NDST1: variants seen among roughly 807,000 people sequenced by gnomAD.
NDST1 encodes bifunctional heparan sulfate N-deacetylase/N-sulfotransferase 1.
NDST1 carries 35 observed loss-of-function variants against 92.8 expected under a neutral mutation model. The observed-to-expected ratio is 0.38, with a 90% CI of 0.29 to 0.50. The LOEUF is 0.50. Ranked by LOEUF, NDST1 falls within the 20% of genes least tolerant of loss-of-function variation. The pLI is 0.94. For missense variants in NDST1, 822 were observed against 1,182.7 expected (o/e 0.69, Z 4.47); for synonymous variants, 493 against 500.3 (o/e 0.99, Z 0.19).
At position 150,556,853 on chromosome 5, in the gene NDST1, A is replaced by G. The variant is rs1419659648; in HGVS notation, c.*3521A>G. 1 of 152,676 alleles carries G rather than the reference A, an allele frequency of 6.5e-6. No homozygotes were observed. Among genetic ancestry groups the G allele is most frequent in the Non-Finnish European group, 1.5e-5 (1 of 68,052 alleles). 9.5% of individuals were successfully genotyped at this position (152,676 alleles called of 1,614,324 possible). On this transcript the variant is annotated 3_prime_UTR_variant, in exon 15 of 15. Transcript: ENST00000261797. ...GAATCAGCATCCAGTCACGGTGCAC[A>G]CATTGCATTTTCTAACTATGTTTTT...
Position 150,545,406 on chromosome 5 carries a change from C to G in NDST1, c.2065C>G (p.Arg689Gly). The change falls in exon 11 of 15, where the codon CGG (arginine) becomes GGG (glycine). Residue 689 changes from arginine to glycine, a missense_variant. Coordinates refer to ENST00000261797, the MANE Select transcript of NDST1 (RefSeq NM_001543.5). ...NYFDSEVAPR[R>G]AAALLPKAKV... Reference sequence around the variant, plus strand: ...CTTTGATTCAGAAGTGGCGCCCCGGCGGGCAGCAGCCCTCTTGCCCAAAGC... The same window carrying G: ...CTTTGATTCAGAAGTGGCGCCCCGGGGGGCAGCAGCCCTCTTGCCCAAAGC... 6.2e-7 allele frequency: 1 copy of G among 1,614,244 alleles called. No individual in the cohort carries two copies. The highest frequency in any genetic ancestry group is 8.5e-7 in the Non-Finnish European group (1 of 1,180,044).
At chr5:150,515,954 G>A (rs986692075) in intron 1 of NDST1, among the ~76,000 whole-genome samples, 4 of 151,962 alleles carry the variant, frequency 2.6e-5, no homozygotes, top group Non-Finnish European at 5.9e-5. Context: ...AAAGCAACTG[G>A]CTTCCCCCCA....
chr5:150,526,217 A>G (rs1754469986), intron 2 of NDST1, among the ~76,000 whole-genome samples: 1 of 152,230 alleles, frequency 6.6e-6, no homozygotes, highest in Non-Finnish European at 1.5e-5. Context: ...GTGCCCAGTA[A>G]TCTACTGTTC....
At chr5:150,501,869 AG>A (rs1293562227) in intron 1 of NDST1, among the ~76,000 whole-genome samples, 1 of 152,186 alleles carries the variant, frequency 6.6e-6, no homozygotes, top group African/African-American at 2.4e-5. Flanking sequence ...CAGCCATGTC[AG>A]GTGGTCAGGA....
intron 11 of NDST1, 127 bp downstream of exon 11, chr5:150,545,613 T>G: frequency 3.4e-6 from 4 of 1,181,710 alleles, no homozygotes; most frequent in Non-Finnish European, 4.8e-6. Flanking sequence ...GCCAGGCGCC[T>G]GGAGCGTGGT....
Position 150,534,896 on chromosome 5 carries a change from C to A in NDST1, c.1126C>A (p.Leu376Met). The A allele has an allele frequency of 6.2e-7, 1 of 1,614,286 alleles. No individual in the cohort carries two copies. The change falls in exon 5 of 15, where the codon CTG (leucine) becomes ATG (methionine). Residue 376 changes from leucine (L) to methionine (M), a missense_variant. Physicochemically the swap from Leu to Met is conservative, Grantham distance 15. Coordinates refer to ENST00000261797, the MANE Select transcript of NDST1 (RefSeq NM_001543.5). ...GTNAEDAGDDLLLSYVKEFWW... is the reference protein window; with the variant it reads ...GTNAEDAGDDMLLSYVKEFWW... ...CAATGCTGAGGACGCTGGGGATGAT[C>A]TGCTGCTGTCGTATGTGAAGGAGTT... is the stretch of plus-strand genomic sequence containing the variant.
intron 1 of NDST1, among the ~76,000 whole-genome samples, chr5:150,499,552 C>T (rs1055057078): frequency 1.3e-5 from 2 of 152,212 alleles, no homozygotes; most frequent in African/African-American, 2.4e-5. Flanking sequence ...CATGCTTAGG[C>T]TCAGGACGGT....
chr5:150,512,097 C>T (rs183525141), intron 1 of NDST1, among the ~76,000 whole-genome samples: 6 of 152,264 alleles, frequency 3.9e-5, no homozygotes, highest in African/African-American at 1.4e-4. Context: ...TGCCCAAGTC[C>T]AGGTACCCAC....
chr5:150,544,312 G>C (rs927019139), intron 10 of NDST1, among the ~76,000 whole-genome samples: 1 of 152,216 alleles, frequency 6.6e-6, no homozygotes, highest in African/African-American at 2.4e-5. Context: ...GTCAGGTTTT[G>C]TTGCCAAATG....
At chr5:150,527,663 G>A (rs142797821) in intron 2 of NDST1, 141 bp from the exon 3 acceptor site, 1 of 1,185,754 alleles carries the variant, frequency 8.4e-7, no homozygotes, top group Non-Finnish European at 1.2e-6. Context: ...GCAGGGTGGA[G>A]CGCAGGGCCA....
At chr5:150,544,351 C>T (rs1755387010) in intron 10 of NDST1, among the ~76,000 whole-genome samples, 1 of 151,808 alleles carries the variant, frequency 6.6e-6, no homozygotes, top group Non-Finnish European at 1.5e-5. Context: ...GAAACAAAGC[C>T]TGTGTTTTCA....
At chr5:150,548,411 G>T (rs371486727) in intron 12 of NDST1, 23 bp downstream of exon 12, 6 of 1,605,718 alleles carry the variant, frequency 3.7e-6, no homozygotes, top group Non-Finnish European at 4.2e-6. Context: ...CCTGACCCTT[G>T]TGAGGGCAGT....
chr5:150,516,854 T>C (rs1240452613), intron 1 of NDST1, among the ~76,000 whole-genome samples: 1 of 151,976 alleles, frequency 6.6e-6, no homozygotes, highest in East Asian at 1.9e-4. Flanking sequence ...TTAGTGGAGA[T>C]GGGGTTTCAC....
rs13181064 is a variant in NDST1, at chr5:150,555,609, T to C, written c.*2277T>C. 100,282 of 152,306 alleles carry C rather than the reference T, an allele frequency of 0.66. 34,912 individuals carry two copies. Among genetic ancestry groups the C allele is most frequent in the Middle Eastern group, 0.77 (228 of 296 alleles). The allele number at this position is 152,306 out of a possible 1,614,324, so 9.4% of individuals were successfully genotyped here. ...CCCACGCCATGGAGCCAGGGGCTTA[T>C]AGAGAGGGGCAGTGACTTCCAGAGT... On this transcript the variant is annotated 3_prime_UTR_variant, in exon 15 of 15. Transcript: ENST00000261797.
intron 7 of NDST1, 82 bp from the exon 8 acceptor site, chr5:150,540,000 G>A (rs1755172549): frequency 1.3e-6 from 2 of 1,544,418 alleles, no homozygotes; most frequent in South Asian, 1.1e-5. Context: ...AGCTAAGGCA[G>A]GGTCAGAAGG....
chr5:150,551,679 C>G, intron 13 of NDST1, 74 bp from the exon 14 acceptor site: 1 of 1,564,436 alleles, frequency 6.4e-7, no homozygotes, highest in Non-Finnish European at 8.7e-7. Flanking sequence ...TTCCTGGGGT[C>G]CATGAACATG....
intron 1 of NDST1, among the ~76,000 whole-genome samples, chr5:150,519,600 A>G (rs1202616679): frequency 1.3e-5 from 2 of 152,256 alleles, no homozygotes; most frequent in South Asian, 2.1e-4. Context: ...AGGCAGGAGA[A>G]TCACTTAAAC....
chr5:150,552,974 G>A (rs112617967), intron 14 of NDST1, among the ~76,000 whole-genome samples: 10 of 152,232 alleles, frequency 6.6e-5, no homozygotes, highest in African/African-American at 2.2e-4. Flanking sequence ...AGACTCCCGA[G>A]TAGCTGGGAT....
intron 1 of NDST1, among the ~76,000 whole-genome samples, chr5:150,509,608 G>C (rs1753626340): frequency 6.6e-6 from 1 of 152,178 alleles, no homozygotes; most frequent in Non-Finnish European, 1.5e-5. Flanking sequence ...CGCCTCCCAG[G>C]TTCAAGCGAT....
Sources: allele counts gnomAD v4.1 joint callset (sites outside exome capture counted in the v4.1 genomes callset), GRCh38; gene constraint gnomAD v4.1.1; transcripts MANE v1.5; gene names NCBI Gene and HGNC (gene_info 2026-07-23, HGNC 2026-07-21).